ATRN: variants seen among roughly 807,000 people sequenced by gnomAD.
ATRN encodes the protein attractin-2.
A neutral mutation model predicts 178.7 loss-of-function variants in ATRN; 54 were observed. The ratio of observed to expected loss-of-function variants is 0.30; its 90% CI spans 0.24 to 0.38. ATRN has a LOEUF of 0.38. Ranked by LOEUF, ATRN falls within the 10% of genes least tolerant of loss-of-function variation. The pLI is 1.00. For missense variants in ATRN, 1,443 were observed against 1,815.1 expected, an observed-to-expected ratio of 0.79 and a Z score of 3.73; for synonymous variants, 636 against 663.0, an observed-to-expected ratio of 0.96 and a Z score of 0.63.
chr20:3,489,394 G>C, intron 1 of ATRN: 2 of 617,518 alleles, frequency 3.2e-6, no homozygotes, highest in South Asian at 2.0e-5. Context: ...AGCATGCCTT[G>C]TTTCTACAGG....
chr20:3,598,024 A>T, intron 22 of ATRN, 24 bp downstream of exon 22: 4 of 1,496,474 alleles, frequency 2.7e-6, no homozygotes, highest in Non-Finnish European at 3.7e-6. Context: ...AAGTCTTCCT[A>T]TTTTGTTTTG....
intron 11 of ATRN, among the ~76,000 whole-genome samples, chr20:3,571,599 G>A (rs1375560647): frequency 1.3e-5 from 2 of 149,092 alleles, no homozygotes; most frequent in Non-Finnish European, 3.0e-5. Flanking sequence ...GGTGAGAAAT[G>A]CTACCTCAGT....
rs2084873098 is a variant in ATRN at position 3,495,945 on chromosome 20, A to G, written c.410+24428A>G. Among the ~76,000 whole-genome samples, 4 of 152,130 alleles carry G rather than the reference A, an allele frequency of 2.6e-5. No homozygotes were observed. The South Asian group carries it at 8.3e-4, about 32-fold the overall frequency. ...TAAGGAGAGAGAGAGAATGGGGTGG[A>G]TAAAACAGGGATGGAGGCTAGACTT... is the stretch of plus-strand genomic sequence containing the variant. On this transcript the variant is annotated intron_variant, in intron 1 of 28. Transcript: ENST00000262919.
chr20:3,512,243 G>A (rs1207347340), intron 1 of ATRN, among the ~76,000 whole-genome samples: 1 of 147,796 alleles, frequency 6.8e-6, no homozygotes, highest in East Asian at 2.0e-4. Context: ...ATCTCCTAAT[G>A]CTATCCCTCC....
intron 15 of ATRN, 78 bp from the exon 16 acceptor site, chr20:3,582,057 T>C: frequency 7.5e-7 from 1 of 1,330,564 alleles, no homozygotes; most frequent in Non-Finnish European, 1.1e-6. Flanking sequence ...CAGGGCAACA[T>C]GGCAAGACTC....
intron 1 of ATRN, chr20:3,490,165 A>C: frequency 6.7e-7 from 1 of 1,502,616 alleles, no homozygotes; most frequent in Non-Finnish European, 9.3e-7. Context: ...TTGGTACTGA[A>C]TAGTCTCTGG....
intron 1 of ATRN, among the ~76,000 whole-genome samples, chr20:3,474,215 A>C (rs751414745): frequency 6.6e-6 from 1 of 152,104 alleles, no homozygotes; most frequent in Non-Finnish European, 1.5e-5. Context: ...GTTGTCTCAA[A>C]TAGTGTCACA....
intron 25 of ATRN, among the ~76,000 whole-genome samples, chr20:3,631,872 G>A (rs1180829284): frequency 6.6e-6 from 1 of 152,130 alleles, no homozygotes; most frequent in Non-Finnish European, 1.5e-5. Flanking sequence ...AGGATTATGC[G>A]TGGAAGCCAA....
intron 24 of ATRN, among the ~76,000 whole-genome samples, chr20:3,606,560 G>A (rs191865538): frequency 2.8e-3 from 424 of 152,262 alleles, no homozygotes; most frequent in Middle Eastern, 0.017. Flanking sequence ...AGCTCCCTGC[G>A]TTCGGTGCAT....
chr20:3,585,597 T>C (rs556046373), intron 18 of ATRN, among the ~76,000 whole-genome samples: 1 of 152,364 alleles, frequency 6.6e-6, no homozygotes, highest in Non-Finnish European at 1.5e-5. Context: ...GAGTTAACTT[T>C]TTAACGAAAT....
At chr20:3,566,642 G>T (rs1010553858) in intron 11 of ATRN, among the ~76,000 whole-genome samples, 3 of 152,018 alleles carry the variant, frequency 2.0e-5, no homozygotes, top group Non-Finnish European at 4.4e-5. Context: ...GGTGGCTCAC[G>T]CCTGTAATCC....
intron 1 of ATRN, chr20:3,489,727 A>G: frequency 6.4e-7 from 1 of 1,569,184 alleles, no homozygotes; most frequent in Admixed American, 1.7e-5. Flanking sequence ...ATGCCCAAAC[A>G]CCTCATGCCA....
At chr20:3,539,989 G>A (rs1216284993) in intron 2 of ATRN, among the ~76,000 whole-genome samples, 2 of 152,162 alleles carry the variant, frequency 1.3e-5, no homozygotes, top group African/African-American at 4.8e-5. Flanking sequence ...GCCACTGAAT[G>A]GACTGTAAGG....
At chr20:3,535,701 C>G (rs553867517) in intron 2 of ATRN, among the ~76,000 whole-genome samples, 4 of 151,598 alleles carry the variant, frequency 2.6e-5, no homozygotes, top group African/African-American at 4.8e-5. Flanking sequence ...GCGTGATCTC[C>G]GCTCACTGCA....
At chr20:3,534,746 A>T (rs1310215760) in intron 1 of ATRN, among the ~76,000 whole-genome samples, 6 of 152,174 alleles carry the variant, frequency 3.9e-5, no homozygotes, top group Admixed American at 2.6e-4. Flanking sequence ...AGATAGGAGG[A>T]TTGCTTGAGG....
chr20:3,636,191 A>G (rs1204712322), intron 26 of ATRN, among the ~76,000 whole-genome samples: 3 of 152,220 alleles, frequency 2.0e-5, no homozygotes, highest in Non-Finnish European at 4.4e-5. Context: ...GTCCGAATTG[A>G]TTTTATACAC....
chr20:3,478,812 CTG>C lies in ATRN; in HGVS notation c.410+7299_410+7300del, dbSNP rs371028249. The stretch of plus-strand genomic sequence containing the variant: ...CAAATCTTTCTACTTCGTAGTTTTT[CTG>C]TGTTTGCTAAATTCAGCACCTCCCT... On this transcript the variant is annotated intron_variant, in intron 1 of 28. Transcript: ENST00000262919. 3.0e-3 allele frequency among the ~76,000 whole-genome samples: 454 copies of C among 151,912 alleles called. 1 individual carries two copies. The highest frequency in any genetic ancestry group is 0.01 in the African/African-American group (434 of 41,426).
chr20:3,547,624 C>T, intron 5 of ATRN, 135 bp downstream of exon 5: 1 of 771,850 alleles, frequency 1.3e-6, no homozygotes. Context: ...AAGCTTGAAA[C>T]ATCCCTCTAT....
At chr20:3,602,925 T>A (rs1480254494) in intron 23 of ATRN, among the ~76,000 whole-genome samples, 1 of 126,386 alleles carries the variant, frequency 7.9e-6, no homozygotes, top group Non-Finnish European at 1.5e-5. Context: ...ATTGCATCAT[T>A]GCACTCCAGC....
Sources: allele counts gnomAD v4.1 joint callset (sites outside exome capture counted in the v4.1 genomes callset), GRCh38; gene constraint gnomAD v4.1.1; transcripts MANE v1.5; gene names NCBI Gene and HGNC (gene_info 2026-07-23, HGNC 2026-07-21).